The following SDF4 variants were observed in gnomAD, a reference collection of about 807,000 sequenced individuals.
SDF4 encodes stromal cell derived factor 4, also known as 45 kDa calcium-binding protein.
In SDF4, 22 loss-of-function variants were observed where a neutral mutation model predicts 34.2. The ratio of observed to expected loss-of-function variants is 0.64; its 90% CI spans 0.46 to 0.92. The LOEUF is 0.92. Among genes scored for constraint, SDF4 ranks in the 40% least tolerant of loss-of-function variants. The pLI is 0.00. For synonymous variants in SDF4, 236 were observed against 203.1 expected (o/e 1.16, Z -1.38); for missense variants, 447 against 499.9 (o/e 0.89, Z 1.01).
Position 1,217,316 on chromosome 1 carries a change from C to A in SDF4, c.*196G>T. On this transcript the variant is annotated 3_prime_UTR_variant, in exon 7 of 7. Coordinates refer to ENST00000360001, the MANE Select transcript of SDF4 (RefSeq NM_016176.6). The surrounding 1 kb of genome is among the most constrained non-coding windows in gnomAD (Gnocchi z 8.5). ...CCACAGCCCAGCCCCGCGCCCCGAC[C>A]GCGTCACAGCCAAAGCCCCGCCGGG... 3.5e-6 allele frequency: 1 copy of A among 283,962 alleles called. No homozygotes were observed. The highest frequency in any genetic ancestry group is 6.1e-6 in the Non-Finnish European group (1 of 162,924). 17.6% of individuals were successfully genotyped at this position (283,962 alleles called of 1,614,324 possible).
Position 1,218,892 on chromosome 1 carries a change from A to G in SDF4, c.592T>C (p.Tyr198His). Reference sequence around the variant, plus strand: ...TCTGCAGGGGGGCTGTCCGCCTGGTACCAGCGGTCCTTCAGGTTCTCCAGG... The same window carrying G: ...TCTGCAGGGGGGCTGTCCGCCTGGTGCCAGCGGTCCTTCAGGTTCTCCAGG... ...EVLENLKDRW[Y>H]QADSPPADLL... The change falls in exon 5 of 7, where the codon TAC becomes CAC. Residue 198 changes from tyrosine to histidine, a missense_variant. By Grantham distance (83) the Tyr-to-His change is moderately conservative. Coordinates refer to ENST00000360001, the MANE Select transcript of SDF4 (RefSeq NM_016176.6). The surrounding 1 kb of genome is among the most constrained non-coding windows in gnomAD (Gnocchi z 7.9). The G allele has an allele frequency of 6.3e-7, 1 of 1,599,676 alleles. No homozygotes were observed. The highest frequency in any genetic ancestry group is 8.5e-7 in the Non-Finnish European group (1 of 1,170,838).
chr1:1,219,746 C>A (rs1649803793), intron 4 of SDF4: 2 of 986,156 alleles, frequency 2.0e-6, no homozygotes, highest in Non-Finnish European at 2.4e-6. Context: ...CACCTCCTGC[C>A]CCATCTTGGG....
intron 1 of SDF4, among the ~76,000 whole-genome samples, chr1:1,229,399 G>A (rs1638423736): frequency 6.6e-6 from 1 of 152,208 alleles, no homozygotes; most frequent in Admixed American, 6.5e-5. Flanking sequence ...TCTTTGTAGA[G>A]ACGGGTCTCG....
intron 4 of SDF4, 107 bp downstream of exon 4, chr1:1,223,137 A>G: frequency 2.5e-6 from 2 of 802,638 alleles, no homozygotes; most frequent in South Asian, 1.5e-5. Context: ...GAGCACACGC[A>G]CGGCACACTC....
chr1:1,230,338 G>A (rs575556342), intron 1 of SDF4, among the ~76,000 whole-genome samples: 59 of 152,330 alleles, frequency 3.9e-4, no homozygotes, highest in African/African-American at 1.3e-3. Flanking sequence ...TCCAGGTATC[G>A]AGAAACACCA....
At chr1:1,226,429 A>G (rs930179508) in intron 2 of SDF4, among the ~76,000 whole-genome samples, 7 of 152,114 alleles carry the variant, frequency 4.6e-5, no homozygotes, top group Non-Finnish European at 7.3e-5. Context: ...CACATCCCAC[A>G]AGCCCAAACT....
chr1:1,227,570 C>T (rs1370171229), intron 2 of SDF4, among the ~76,000 whole-genome samples: 1 of 152,212 alleles, frequency 6.6e-6, no homozygotes, highest in East Asian at 1.9e-4. Context: ...ACCTGCACCT[C>T]GGCTCCCTGC....
At position 1,219,686 on chromosome 1, in the gene SDF4, C is replaced by T. The variant is rs1305811068; in HGVS notation, c.557-759G>A. ...CCAACGGGCCCTCACCCCGAGGTCC[C>T]CACACATCCCAAGGACCCAAGCCAC... On this transcript the variant is annotated intron_variant, in intron 4 of 6. Transcript: ENST00000360001. 8 of 986,420 alleles carry T rather than the reference C, an allele frequency of 8.1e-6. No homozygotes were observed. In the South Asian group the frequency reaches 2.3e-4, roughly 29 times the overall value. 61.1% of individuals were successfully genotyped at this position (986,420 alleles called of 1,614,324 possible).
chr1:1,223,212 G>C (rs1354363532), intron 4 of SDF4, 32 bp downstream of exon 4: 1 of 1,466,618 alleles, frequency 6.8e-7, no homozygotes, highest in African/African-American at 1.4e-5. Context: ...GGATGCCTGA[G>C]ACCGGTGGCG....
In SDF4 at chr1:1,217,109, G is replaced by C. The variant is rs1161571027; in HGVS notation, c.*403C>G. ...TTAATCTATTTTTAATAATCGTTCAGTTTTCAAGGAAATGGAGGAGCTGTT... is the reference window on the plus strand; with the variant it reads ...TTAATCTATTTTTAATAATCGTTCACTTTTCAAGGAAATGGAGGAGCTGTT... On this transcript the variant is annotated 3_prime_UTR_variant, in exon 7 of 7. Transcript: ENST00000360001. The surrounding 1 kb of genome is among the most constrained non-coding windows in gnomAD (Gnocchi z 8.5). The C allele has an allele frequency of 1.3e-5, 2 of 152,528 alleles. No individual in the cohort carries two copies. Among genetic ancestry groups the C allele is most frequent in the African/African-American group, 4.8e-5 (2 of 41,460 alleles). 9.4% of individuals were successfully genotyped at this position (152,528 alleles called of 1,614,324 possible). A position where few individuals can be genotyped will look rare whatever the true frequency, so the allele number is the denominator to read the frequency against.
chr1:1,217,448 C>T lies in SDF4; in HGVS notation c.*64G>A. ...GTGGGGTCCGGGACAGCCACGGAGCCCGGAGTCACCCGCGAGGCCGCCCCG... is the reference window on the plus strand; with the variant it reads ...GTGGGGTCCGGGACAGCCACGGAGCTCGGAGTCACCCGCGAGGCCGCCCCG... On this transcript the variant is annotated 3_prime_UTR_variant, in exon 7 of 7. Transcript: ENST00000360001. The surrounding 1 kb of genome is among the most constrained non-coding windows in gnomAD (Gnocchi z 8.5). 2 of 1,339,462 alleles carry T rather than the reference C, an allele frequency of 1.5e-6. No homozygotes were observed. Among genetic ancestry groups the T allele is most frequent in the Non-Finnish European group, 1.9e-6 (2 of 1,035,112 alleles). 83.0% of individuals were successfully genotyped at this position (1,339,462 alleles called of 1,614,324 possible).
chr1:1,227,995 G>A (rs560167131), intron 2 of SDF4, among the ~76,000 whole-genome samples: 1 of 152,340 alleles, frequency 6.6e-6, no homozygotes, highest in African/African-American at 2.4e-5. Context: ...GTGTGTGACA[G>A]GGACCCCAAA....
chr1:1,227,055 C>A (rs3766186), intron 2 of SDF4, among the ~76,000 whole-genome samples: 17,396 of 152,212 alleles, frequency 0.11, 1,138 homozygotes, highest in East Asian at 0.17. Context: ...ACCTGGTGCC[C>A]AGGTCCTCCA....
chr1:1,231,335 C>G (rs1260795784), intron 1 of SDF4, among the ~76,000 whole-genome samples: 3 of 152,238 alleles, frequency 2.0e-5, no homozygotes, highest in Non-Finnish European at 4.4e-5. Flanking sequence ...TAGGCAGAGA[C>G]GCTATTTCTT....
chr1:1,228,812 T>G lies in SDF4; in HGVS notation c.-40A>C, dbSNP rs547868230. On this transcript the variant is annotated 5_prime_UTR_variant, in exon 2 of 7. Coordinates refer to ENST00000360001, the MANE Select transcript of SDF4 (RefSeq NM_016176.6). ...AGACCATGGGGCGGGCTGCAGGGTG[T>G]GGGCCAGGTGCTGGGAGGGGCAGGG... 3.2e-6 allele frequency: 5 copies of G among 1,554,660 alleles called. No homozygotes were observed. The African/African-American group carries it at 6.8e-5, about 21-fold the overall frequency.
At chr1:1,224,441 G>A (rs1304592689) in intron 2 of SDF4, among the ~76,000 whole-genome samples, 1 of 152,116 alleles carries the variant, frequency 6.6e-6, no homozygotes, top group Non-Finnish European at 1.5e-5. Context: ...CACCACGCCT[G>A]GCTAATTTTT....
chr1:1,224,068 A>G (rs1650147647), intron 2 of SDF4, 100 bp from the exon 3 acceptor site: 3 of 1,552,018 alleles, frequency 1.9e-6, no homozygotes, highest in Non-Finnish European at 2.6e-6. Flanking sequence ...GGCTGCGTGA[A>G]CCTGCCACCA....
rs1393912773 is a variant in SDF4 at position 1,220,135 on chromosome 1, G to A, written c.557-1208C>T. On this transcript the variant is annotated intron_variant, in intron 4 of 6. Transcript: ENST00000360001. ...GCACAGGATTCTCACAGCCGCCGCC[G>A]AGCCCCAGCACCAACCTCAGGCTGG... 2.7e-5 allele frequency: 27 copies of A among 986,914 alleles called. No homozygotes were observed. The East Asian group carries it at 5.7e-4, about 21-fold the overall frequency. The allele number at this position is 986,914 out of a possible 1,614,324, so 61.1% of individuals were successfully genotyped here.
intron 4 of SDF4, chr1:1,220,363 T>A (rs559622954): frequency 9.0e-7 from 1 of 1,112,970 alleles, no homozygotes; most frequent in African/African-American, 1.6e-5. Context: ...GTCCCCAGAA[T>A]CAGGTCTGAG....
Sources: gnomAD v4.1 joint callset for allele counts (sites outside exome capture counted in the v4.1 genomes callset) on GRCh38, gnomAD v4.1.1 for gene constraint, Gnocchi (gnomAD v3.1) non-coding constraint, MANE v1.5 for transcripts, NCBI Gene and HGNC (gene_info 2026-07-23, HGNC 2026-07-21) for gene names.